Variants in RNLS observed in about 807,000 individuals in gnomAD.
RNLS encodes renalase, FAD dependent amine oxidase, also known as renalase.
Under a neutral mutation model 39.8 loss-of-function variants are expected in RNLS, and 39 were observed. That is an observed-to-expected ratio of 0.98 (90% confidence interval 0.76 to 1.28). The LOEUF (loss-of-function observed/expected upper bound fraction) is 1.28. Ranked by LOEUF, RNLS falls within the 50% of genes most tolerant of loss-of-function variation. The pLI is 0.00. For missense variants in RNLS, 410 were observed against 413.3 expected (o/e 0.99, Z 0.07); for synonymous variants, 147 against 150.7 (o/e 0.98, Z 0.18).
intron 5 of RNLS, among the ~76,000 whole-genome samples, chr10:88,353,810 G>T (rs950878722): frequency 6.6e-6 from 1 of 152,184 alleles, no homozygotes; most frequent in Non-Finnish European, 1.5e-5. Flanking sequence ...TGACAATGAG[G>T]TGTTAAATCT....
intron 4 of RNLS, among the ~76,000 whole-genome samples, chr10:88,384,602 T>C (rs1228830377): frequency 6.6e-6 from 1 of 152,364 alleles, no homozygotes; most frequent in Non-Finnish European, 1.5e-5. Flanking sequence ...TTGATTTCAA[T>C]ATTAGATTAA....
At chr10:88,437,141 T>C (rs1456215555) in intron 4 of RNLS, among the ~76,000 whole-genome samples, 1 of 152,244 alleles carries the variant, frequency 6.6e-6, no homozygotes, top group African/African-American at 2.4e-5. Flanking sequence ...TTTAGCATTA[T>C]TTTTTGTAAC....
chr10:88,303,376 A>G (rs535903816), intron 6 of RNLS, among the ~76,000 whole-genome samples: 1 of 152,308 alleles, frequency 6.6e-6, no homozygotes, highest in Admixed American at 6.5e-5. Flanking sequence ...AATCTTGCCC[A>G]TTAGATGGGG....
chr10:88,264,393 CTA>C, the RNLS span, among the ~76,000 whole-genome samples: 6,246 of 152,238 alleles, frequency 0.041, 168 homozygotes, highest in Non-Finnish European at 0.064. Context: ...TATGGAATCT[CTA>C]TACTGTTTTC....
At chr10:88,211,933 G>T in the RNLS span, among the ~76,000 whole-genome samples, 8 of 152,168 alleles carry the variant, frequency 5.3e-5, no homozygotes, top group Non-Finnish European at 7.3e-5. Context: ...AGAGATGATG[G>T]TATGAACAAG....
At chr10:88,241,961 T>A in the RNLS span, among the ~76,000 whole-genome samples, 11 of 152,218 alleles carry the variant, frequency 7.2e-5, no homozygotes, top group African/African-American at 2.7e-4. Flanking sequence ...TTTTTGTGCC[T>A]TACCCATATT....
chr10:88,581,145 A>C (rs940445839), intron 3 of RNLS, among the ~76,000 whole-genome samples: 4 of 152,080 alleles, frequency 2.6e-5, no homozygotes, highest in African/African-American at 9.7e-5. Context: ...ACAATCATTA[A>C]AGAAAATGGA....
At chr10:88,324,858 T>A (rs545125890) in intron 5 of RNLS, among the ~76,000 whole-genome samples, 84 of 152,330 alleles carry the variant, frequency 5.5e-4, no homozygotes, top group African/African-American at 1.9e-3. Flanking sequence ...CTGTATTAAT[T>A]TGACTACTCT....
intron 4 of RNLS, among the ~76,000 whole-genome samples, chr10:88,519,798 G>C (rs914254680): frequency 2.0e-5 from 3 of 150,004 alleles, no homozygotes; most frequent in African/African-American, 7.4e-5. Flanking sequence ...TCCTGCACTA[G>C]GTATCCCCCA....
At chr10:88,372,525 C>T (rs929025447) in intron 4 of RNLS, among the ~76,000 whole-genome samples, 2 of 152,032 alleles carry the variant, frequency 1.3e-5, no homozygotes, top group Admixed American at 6.6e-5. Flanking sequence ...CCTGTGAAAC[C>T]GAAATGACAT....
Position 88,480,438 on chromosome 10 carries a change from T to C in RNLS, c.526+92465A>G, listed in dbSNP as rs117551619. Reference sequence around the variant, plus strand: ...GTCAAATTCATACTTTTCTTTTTTTTGAGACGGAGTCTCACTCTTGTTGCC... The same window carrying C: ...GTCAAATTCATACTTTTCTTTTTTTCGAGACGGAGTCTCACTCTTGTTGCC... On this transcript the variant is annotated intron_variant, in intron 4 of 6. Coordinates refer to ENST00000331772, the MANE Select transcript of RNLS (RefSeq NM_001031709.3). Among the ~76,000 whole-genome samples, 454 of 152,382 alleles carry C rather than the reference T, an allele frequency of 3.0e-3. 3 individuals are homozygous for C. Among genetic ancestry groups the C allele is most frequent in the Middle Eastern group, 0.01 (3 of 294 alleles).
chr10:88,315,177 CTA>C (rs956080836), intron 5 of RNLS, among the ~76,000 whole-genome samples: 1 of 152,186 alleles, frequency 6.6e-6, no homozygotes, highest in African/African-American at 2.4e-5. Flanking sequence ...ATATTCTTCT[CTA>C]TGTTTTAATT....
the RNLS span, among the ~76,000 whole-genome samples, chr10:88,226,867 T>G: frequency 6.6e-6 from 1 of 151,640 alleles, no homozygotes; most frequent in African/African-American, 2.4e-5. Context: ...CAGCAAAATG[T>G]CTTTTTTTTC....
chr10:88,351,923 C>T (rs1222168015), intron 5 of RNLS, among the ~76,000 whole-genome samples: 3 of 152,074 alleles, frequency 2.0e-5, no homozygotes, highest in Admixed American at 6.6e-5. Flanking sequence ...CCTTCACATC[C>T]CTTGTAAGTT....
chr10:88,348,041 A>G (rs1489585597), intron 5 of RNLS, among the ~76,000 whole-genome samples: 1 of 152,148 alleles, frequency 6.6e-6, no homozygotes, highest in Non-Finnish European at 1.5e-5. Context: ...GACCTTTGTT[A>G]GTGGGGAGGT....
chr10:88,343,990 TACTC>T (rs2133237578), intron 5 of RNLS, among the ~76,000 whole-genome samples: 1 of 152,304 alleles, frequency 6.6e-6, no homozygotes, highest in African/African-American at 2.4e-5. Context: ...ACTTTCCCAA[TACTC>T]ACCAGCAGTA....
chr10:88,515,810 A>G (rs1846375453), intron 4 of RNLS, among the ~76,000 whole-genome samples: 1 of 152,026 alleles, frequency 6.6e-6, no homozygotes, highest in Non-Finnish European at 1.5e-5. Context: ...AGAGGGCAAT[A>G]TGGGCTGAAT....
the RNLS span, among the ~76,000 whole-genome samples, chr10:88,267,568 C>T: frequency 1.3e-5 from 2 of 152,198 alleles, no homozygotes. Context: ...GAGTGAGACC[C>T]TGTCTCTAGA....
At chr10:88,442,248 C>T (rs907132876) in intron 4 of RNLS, among the ~76,000 whole-genome samples, 17 of 152,116 alleles carry the variant, frequency 1.1e-4, no homozygotes, top group Admixed American at 3.3e-4. Context: ...TAGTTTACAG[C>T]TGTGGAATAT....
Sources: gnomAD v4.1 joint callset for allele counts (sites outside exome capture counted in the v4.1 genomes callset) on GRCh38, gnomAD v4.1.1 for gene constraint, MANE v1.5 for transcripts, NCBI Gene and HGNC (gene_info 2026-07-23, HGNC 2026-07-21) for gene names.